WHRN: variants seen among roughly 807,000 people sequenced by gnomAD.
WHRN encodes the protein CASK-interacting protein CIP98.
Under a neutral mutation model 68.3 loss-of-function variants are expected in WHRN, and 41 were observed. The observed-to-expected ratio is 0.60, with a 90% CI of 0.47 to 0.78. The LOEUF (loss-of-function observed/expected upper bound fraction) is 0.78. Among genes scored for constraint, WHRN ranks in the 30% least tolerant of loss-of-function variants. The pLI is 0.00. For synonymous variants in WHRN, 560 were observed against 561.3 expected, an observed-to-expected ratio of 1.00 and a Z score of 0.03; for missense variants, 1,243 against 1,244.7, an observed-to-expected ratio of 1.00 and a Z score of 0.02.
chr9:114,427,711 G>T (rs752636085), intron 3 of WHRN, among the ~76,000 whole-genome samples: 4 of 152,180 alleles, frequency 2.6e-5, no homozygotes, highest in Admixed American at 6.5e-5. Context: ...CCTCACCCCA[G>T]TTGGGAGTTT....
chr9:114,424,435 G>C lies in WHRN; in HGVS notation c.1315C>G (p.His439Asp). The change falls in exon 6 of 12, where the codon CAC (histidine) becomes GAC (aspartate). Residue 439 changes from histidine to aspartate, a missense_variant. Transcript: ENST00000362057. ...TCCAGGTAGTAGGCCATGGTGGCGT[G>C]TTCCTGCTCGTTCAGCAGGTGCCGA... ...QARHLLNEQE[H>D]ATMAYYLDEY... 6.2e-7 allele frequency: 1 copy of C among 1,613,664 alleles called. No individual in the cohort carries two copies. Among genetic ancestry groups the C allele is most frequent in the Non-Finnish European group, 8.5e-7 (1 of 1,180,026 alleles).
chr9:114,443,313 CAT>C (rs1275148160), intron 3 of WHRN, among the ~76,000 whole-genome samples: 3 of 152,234 alleles, frequency 2.0e-5, no homozygotes, highest in Non-Finnish European at 2.9e-5. Flanking sequence ...AGAAATCTAA[CAT>C]AGGTCTCACT....
At chr9:114,472,543 T>C (rs979615335) in intron 2 of WHRN, among the ~76,000 whole-genome samples, 2 of 152,128 alleles carry the variant, frequency 1.3e-5, no homozygotes, top group Admixed American at 6.5e-5. Context: ...CACCCTCCCA[T>C]GCCCTTTCCT....
At chr9:114,428,818 C>G (rs1218194150) in intron 3 of WHRN, among the ~76,000 whole-genome samples, 10 of 151,844 alleles carry the variant, frequency 6.6e-5, no homozygotes, top group Non-Finnish European at 1.5e-4. Flanking sequence ...TCCTCCACCC[C>G]CATCAGCCCC....
chr9:114,497,423 C>T (rs1843551415), intron 1 of WHRN, among the ~76,000 whole-genome samples: 2 of 151,720 alleles, frequency 1.3e-5, no homozygotes, highest in South Asian at 4.1e-4. Flanking sequence ...GAGAATAAAG[C>T]AGCTTTTAAG....
chr9:114,437,447 C>A (rs1457288164), intron 3 of WHRN, among the ~76,000 whole-genome samples: 7 of 151,988 alleles, frequency 4.6e-5, no homozygotes, highest in Non-Finnish European at 8.8e-5. Context: ...TAAGCAAAGT[C>A]AAAAGAAAAT....
rs1314831998 is a variant in WHRN at position 114,406,519 on chromosome 9, C to T, written c.2072G>A (p.Ser691Asn). 4.3e-6 allele frequency: 7 copies of T among 1,613,884 alleles called. No homozygotes were observed. Among genetic ancestry groups the T allele is most frequent in the Non-Finnish European group, 5.9e-6 (7 of 1,179,996 alleles). ...AGCCACTGTGGCCTCTGCAGAGGGGCTTTTCAGGTGCGGGGGTGACTGGAC... is the reference window on the plus strand; with the variant it reads ...AGCCACTGTGGCCTCTGCAGAGGGGTTTTTCAGGTGCGGGGGTGACTGGAC... ...PRVQSPPHLKSPSAEATVAGG... is the reference protein window; with the variant it reads ...PRVQSPPHLKNPSAEATVAGG... The change falls in exon 9 of 12, where the codon AGC becomes AAC. Residue 691 changes from serine (S) to asparagine (N), a missense_variant. By Grantham distance (46) the Ser-to-Asn change is conservative. Coordinates refer to ENST00000362057, the MANE Select transcript of WHRN (RefSeq NM_015404.4).
At chr9:114,473,388 A>G (rs1841403432) in intron 2 of WHRN, among the ~76,000 whole-genome samples, 1 of 152,338 alleles carries the variant, frequency 6.6e-6, no homozygotes, top group African/African-American at 2.4e-5. Context: ...GGCCGGACCC[A>G]AAGAGCCAGA....
rs576079342 is a variant in WHRN at position 114,490,145 on chromosome 9, G to A, written c.619-11374C>T. Among the ~76,000 whole-genome samples, 80 of 152,284 alleles carry A rather than the reference G, an allele frequency of 5.3e-4. 1 individual carries two copies. The highest frequency in any genetic ancestry group is 7.7e-4 in the East Asian group (4 of 5,176). ...CTGTGCGGCCACCTCGCTTCCTTGC[G>A]CTGCTGCATCCCAGGGTAAATCGAG... On this transcript the variant is annotated intron_variant, in intron 1 of 11. Coordinates refer to ENST00000362057, the MANE Select transcript of WHRN (RefSeq NM_015404.4).
At chr9:114,451,155 C>G (rs1385898470) in intron 3 of WHRN, among the ~76,000 whole-genome samples, 1 of 152,148 alleles carries the variant, frequency 6.6e-6, no homozygotes, top group Non-Finnish European at 1.5e-5. Flanking sequence ...GATTTGGGGT[C>G]AGAAAAACGT....
chr9:114,500,420 G>C (rs1298200137), intron 1 of WHRN, among the ~76,000 whole-genome samples: 1 of 152,156 alleles, frequency 6.6e-6, no homozygotes, highest in Non-Finnish European at 1.5e-5. Flanking sequence ...GAACGTGCTG[G>C]ACTAAATATA....
At chr9:114,491,776 G>C (rs371867206) in intron 1 of WHRN, 6 of 267,550 alleles carry the variant, frequency 2.2e-5, no homozygotes, top group Middle Eastern at 8.5e-4. Flanking sequence ...CCCGCCCTTT[G>C]CCTGAGTGCC....
chr9:114,425,412 C>T, intron 4 of WHRN: 1 of 551,242 alleles, frequency 1.8e-6, no homozygotes, highest in Non-Finnish European at 3.2e-6. Flanking sequence ...ATGCAACTCG[C>T]AGGTGCGGCT....
intron 3 of WHRN, among the ~76,000 whole-genome samples, chr9:114,455,291 T>C (rs1007293995): frequency 3.3e-5 from 5 of 152,142 alleles, no homozygotes; most frequent in Non-Finnish European, 7.3e-5. Context: ...AGATCTCGGC[T>C]CACTGCAGCC....
chr9:114,407,445 T>A (rs1002560887), intron 8 of WHRN, among the ~76,000 whole-genome samples: 1 of 152,162 alleles, frequency 6.6e-6, no homozygotes. Flanking sequence ...ACGTGAATAC[T>A]GTTAGCACAG....
chr9:114,481,745 G>A (rs1019131814), intron 1 of WHRN, among the ~76,000 whole-genome samples: 4 of 152,164 alleles, frequency 2.6e-5, no homozygotes, highest in Non-Finnish European at 5.9e-5. Context: ...CTGACCAAAC[G>A]CCTACTGTGT....
chr9:114,476,777 C>T (rs1841685612), intron 2 of WHRN, among the ~76,000 whole-genome samples: 1 of 152,078 alleles, frequency 6.6e-6, no homozygotes, highest in African/African-American at 2.4e-5. Context: ...GCCTCAGGTT[C>T]CTCATCTGCA....
intron 4 of WHRN, chr9:114,425,628 C>CAG (rs1212572289): frequency 4.0e-6 from 1 of 249,678 alleles, no homozygotes; most frequent in Non-Finnish European, 7.7e-6. Flanking sequence ...CACACACACA[C>CAG]ACAGAGAGAC....
rs1589112957 is a variant in WHRN at position 114,426,209 on chromosome 9, A to C, written c.1166+2T>G. On this transcript the variant is annotated splice_donor_variant, in intron 4 of 11. Coordinates refer to ENST00000362057, the MANE Select transcript of WHRN (RefSeq NM_015404.4). LOFTEE classifies it high-confidence loss of function. Reference sequence around the variant, plus strand: ...AGATTGGAGCGAGCAGAGTGGCCAGACCCTGCCGAGTTCGCCATGGTCTCC... The same window carrying C: ...AGATTGGAGCGAGCAGAGTGGCCAGCCCCTGCCGAGTTCGCCATGGTCTCC... 2 of 1,611,968 alleles carry C rather than the reference A, an allele frequency of 1.2e-6. No homozygotes were observed. Among genetic ancestry groups the C allele is most frequent in the Non-Finnish European group, 1.7e-6 (2 of 1,179,988 alleles).
Sources: gnomAD v4.1 joint callset for allele counts (sites outside exome capture counted in the v4.1 genomes callset) on GRCh38, gnomAD v4.1.1 for gene constraint, MANE v1.5 for transcripts, NCBI Gene and HGNC (gene_info 2026-07-23, HGNC 2026-07-21) for gene names.